The following PSIP1 variants were observed in gnomAD, a reference collection of about 807,000 sequenced individuals.
The protein encoded by PSIP1 is PC4 and SRSF1 interacting protein 1, also known as PC4 and SFRS1-interacting protein.
In PSIP1, 19 loss-of-function variants were observed where a neutral mutation model predicts 74.7. The ratio of observed to expected loss-of-function variants is 0.25; its 90% CI spans 0.18 to 0.37. The LOEUF (loss-of-function observed/expected upper bound fraction) is 0.37. PSIP1 is among the 10% of genes least tolerant of loss of function. PSIP1 has a pLI of 1.00. For missense variants in PSIP1, 601 were observed against 614.3 expected, an observed-to-expected ratio of 0.98 and a Z score of 0.23; for synonymous variants, 222 against 195.3, an observed-to-expected ratio of 1.14 and a Z score of -1.14.
chr9:15,467,684 T>C (rs2035692243), intron 14 of PSIP1, among the ~76,000 whole-genome samples: 1 of 152,240 alleles, frequency 6.6e-6, no homozygotes, highest in South Asian at 2.1e-4. Flanking sequence ...GTATAAGTTA[T>C]AAATTTTTCC....
intron 10 of PSIP1, chr9:15,471,996 G>A (rs2035853819): frequency 5.2e-5 from 51 of 974,048 alleles, no homozygotes; most frequent in Non-Finnish European, 5.9e-5. Context: ...CACGAAGTCT[G>A]TTCATTATTA....
intron 2 of PSIP1, among the ~76,000 whole-genome samples, chr9:15,507,621 G>C (rs1291650472): frequency 6.6e-6 from 1 of 152,060 alleles, no homozygotes; most frequent in Non-Finnish European, 1.5e-5. Flanking sequence ...CTGGGTGACA[G>C]AGTGAGATCC....
chr9:15,465,722 A>C lies in PSIP1; in HGVS notation c.1533-142T>G, dbSNP rs1001310348. The C allele has an allele frequency of 3.3e-5, 20 of 612,708 alleles. No homozygotes were observed. The African/African-American group carries it at 3.8e-4, about 12-fold the overall frequency. 38.0% of individuals were successfully genotyped at this position (612,708 alleles called of 1,614,324 possible). A position where few individuals can be genotyped will look rare whatever the true frequency, so the allele number is the denominator to read the frequency against. Reference sequence around the variant, plus strand: ...CAAAAGAAAAACTTGACTTGTTATTAGAACAGTCATTATTATTTTTTTCTT... The same window carrying C: ...CAAAAGAAAAACTTGACTTGTTATTCGAACAGTCATTATTATTTTTTTCTT... On this transcript the variant is annotated intron_variant, in intron 15 of 15. Coordinates refer to ENST00000380733, the MANE Select transcript of PSIP1 (RefSeq NM_033222.5).
At chr9:15,466,167 C>T (rs750885996) in intron 15 of PSIP1, among the ~76,000 whole-genome samples, 29 of 152,220 alleles carry the variant, frequency 1.9e-4, no homozygotes, top group African/African-American at 7.0e-4. Flanking sequence ...CACCTGAGGT[C>T]AGGAGTTCGA....
chr9:15,478,579 G>GT, intron 7 of PSIP1, 27 bp from the exon 8 acceptor site: 1 of 1,386,614 alleles, frequency 7.2e-7, no homozygotes, highest in Non-Finnish European at 1.0e-6. Flanking sequence ...AAAAAAATCA[G>GT]TAACTACTAG....
At position 15,502,438 on chromosome 9, in the gene PSIP1, A is replaced by AT. The variant is rs545130408; in HGVS notation, c.149+4122dup. ...GAAACCAACATAGAGTAAGCGCACT[A>AT]TTTTTAATTTTTTTACCCCCCAAGA... On this transcript the variant is annotated intron_variant, in intron 3 of 15. Transcript: ENST00000380733. 3.7e-3 allele frequency among the ~76,000 whole-genome samples: 565 copies of AT among 152,226 alleles called. 1 individual carries two copies. Among genetic ancestry groups the AT allele is most frequent in the Non-Finnish European group, 5.9e-3 (399 of 67,992 alleles).
chr9:15,479,061 C>T (rs895276963), intron 7 of PSIP1, among the ~76,000 whole-genome samples: 20 of 151,784 alleles, frequency 1.3e-4, no homozygotes, highest in African/African-American at 4.6e-4. Context: ...AGTAAGAATC[C>T]TATTAAAAAG....
rs1227416797 is a variant in PSIP1 at position 15,464,821 on chromosome 9, A to C, written c.*699T>G. 4.8e-6 allele frequency: 1 copy of C among 208,480 alleles called. No homozygotes were observed. The highest frequency in any genetic ancestry group is 9.8e-6 in the Non-Finnish European group (1 of 102,484). The allele number at this position is 208,480 out of a possible 1,614,324, so 12.9% of individuals were successfully genotyped here. ...GTCAGTTGTCTGCAAAGAAGTCCTA[A>C]GACTTCACTGAATGCCCAGCCACAA... On this transcript the variant is annotated 3_prime_UTR_variant, in exon 16 of 16. Coordinates refer to ENST00000380733, the MANE Select transcript of PSIP1 (RefSeq NM_033222.5).
At position 15,494,826 on chromosome 9, in the gene PSIP1, G is replaced by A. The variant is rs553749370; in HGVS notation, c.150-4702C>T. ...ATTTTACTAGACATCATTAATTCCT[G>A]TCCATAATCTCAAATTAGAAAAATT... On this transcript the variant is annotated intron_variant, in intron 3 of 15. Coordinates refer to ENST00000380733, the MANE Select transcript of PSIP1 (RefSeq NM_033222.5). Among the ~76,000 whole-genome samples, 11 of 152,128 alleles carry A rather than the reference G, an allele frequency of 7.2e-5. No homozygotes were observed. The East Asian group carries it at 1.9e-3, about 27-fold the overall frequency.
intron 3 of PSIP1, among the ~76,000 whole-genome samples, chr9:15,501,024 T>C (rs2037318338): frequency 1.3e-5 from 2 of 152,320 alleles, no homozygotes; most frequent in Admixed American, 6.5e-5. Context: ...TAGCCAAGCA[T>C]TGTTCTAAGC....
intron 14 of PSIP1, among the ~76,000 whole-genome samples, chr9:15,467,250 A>T (rs1170347620): frequency 6.6e-6 from 1 of 152,194 alleles, no homozygotes; most frequent in Non-Finnish European, 1.5e-5. Context: ...CAAATTTTAA[A>T]ATTTACTATT....
intron 2 of PSIP1, among the ~76,000 whole-genome samples, chr9:15,509,728 A>G (rs143827459): frequency 1.3e-5 from 2 of 152,226 alleles, no homozygotes; most frequent in Non-Finnish European, 2.9e-5. Flanking sequence ...GTTTGTGTGT[A>G]ATCTGCACAA....
rs1015790715 is a variant in PSIP1 at position 15,508,199 on chromosome 9, G to C, written c.73-1562C>G. 2.6e-5 allele frequency among the ~76,000 whole-genome samples: 4 copies of C among 152,148 alleles called. No homozygotes were observed. In the East Asian group the frequency reaches 7.7e-4, roughly 29 times the overall value. ...GGGACATGTAGACAGAAATGTTAAA[G>C]CAAAAATTGCAACAAGAGGTGTCAC... is the stretch of plus-strand genomic sequence containing the variant. On this transcript the variant is annotated intron_variant, in intron 2 of 15. Transcript: ENST00000380733.
At chr9:15,472,329 TACAA>T (rs2035873491) in intron 10 of PSIP1, 4 of 1,133,730 alleles carry the variant, frequency 3.5e-6, no homozygotes, top group African/African-American at 3.3e-5. Context: ...TATTATATTA[TACAA>T]ACAAATGGTT....
At chr9:15,508,758 A>C (rs545894041) in intron 2 of PSIP1, among the ~76,000 whole-genome samples, 1 of 152,328 alleles carries the variant, frequency 6.6e-6, no homozygotes, top group South Asian at 2.1e-4. Context: ...TATACTACGG[A>C]CTATGGAGGG....
Position 15,474,121 on chromosome 9 carries a change from T to A in PSIP1, c.746A>T (p.Asp249Val). 6.2e-7 allele frequency: 1 copy of A among 1,613,848 alleles called. No homozygotes were observed. The highest frequency in any genetic ancestry group is 1.1e-5 in the South Asian group (1 of 91,070). Reference sequence around the variant, plus strand: ...AACTTCTTTCTTCCCCTCTTTTTTATCCGGCTCTTTTCTTGGCTTATCTTC... The same window carrying A: ...AACTTCTTTCTTCCCCTCTTTTTTAACCGGCTCTTTTCTTGGCTTATCTTC... ...KEEDKPRKEP[D>V]KKEGKKEVES... The change falls in exon 9 of 16, where the codon GAT (aspartate) becomes GTT (valine). Residue 249 changes from aspartate (D) to valine (V), a missense_variant. Coordinates refer to ENST00000380733, the MANE Select transcript of PSIP1 (RefSeq NM_033222.5).
intron 14 of PSIP1, 36 bp downstream of exon 14, chr9:15,468,594 A>G: frequency 1.3e-6 from 2 of 1,593,982 alleles, no homozygotes; most frequent in Middle Eastern, 3.3e-4. Context: ...AATGGTTTAA[A>G]AACTGGTGTG....
At chr9:15,483,674 A>AT (rs2036433824) in intron 6 of PSIP1, among the ~76,000 whole-genome samples, 1 of 152,180 alleles carries the variant, frequency 6.6e-6, no homozygotes, top group Non-Finnish European at 1.5e-5. Context: ...TTCTGAATGA[A>AT]TTTTACAGTG....
intron 13 of PSIP1, 36 bp downstream of exon 13, chr9:15,468,921 A>G (rs1335392704): frequency 1.2e-6 from 2 of 1,606,654 alleles, no homozygotes; most frequent in Non-Finnish European, 1.7e-6. Context: ...AGTAATGACA[A>G]AATTCAAAGA....
Sources: gnomAD v4.1 joint callset for allele counts (sites outside exome capture counted in the v4.1 genomes callset) on GRCh38, gnomAD v4.1.1 for gene constraint, MANE v1.5 for transcripts, NCBI Gene and HGNC (gene_info 2026-07-23, HGNC 2026-07-21) for gene names.